PSMB3: variants seen among roughly 807,000 people sequenced by gnomAD.
PSMB3 encodes proteasome subunit beta type-3.
PSMB3 carries 5 observed loss-of-function variants against 23.3 expected under a neutral mutation model. That is an observed-to-expected ratio of 0.21 (90% confidence interval 0.11 to 0.45). The LOEUF is 0.45. Among genes scored for constraint, PSMB3 ranks in the 20% least tolerant of loss-of-function variants. The pLI, the probability that PSMB3 is intolerant of heterozygous loss-of-function variation, is 0.99. For synonymous variants in PSMB3, 85 were observed against 99.8 expected, an observed-to-expected ratio of 0.85 and a Z score of 0.88; for missense variants, 192 against 277.9, an observed-to-expected ratio of 0.69 and a Z score of 2.20.
rs537126332 is a variant in PSMB3 at position 38,761,452 on chromosome 17, C to T, written c.474+844C>T. ...GAAGAGATGAGATAGTGCTTGACGG[C>T]GAGGGTCGGCTGTCGTTATTAAGTG... is the stretch of plus-strand genomic sequence containing the variant. On this transcript the variant is annotated intron_variant, in intron 4 of 5. Transcript: ENST00000619426. Among the ~76,000 whole-genome samples the T allele has an allele frequency of 4.0e-5, 6 of 151,802 alleles. No individual in the cohort carries two copies. In the East Asian group the frequency reaches 5.8e-4, roughly 15 times the overall value.
At chr17:38,755,646 TAA>T (rs66894167) in intron 2 of PSMB3, among the ~76,000 whole-genome samples, 2,446 of 66,310 alleles carry the variant, frequency 0.037, 96 homozygotes, top group African/African-American at 0.12. Context: ...AGACTCCGTC[TAA>T]AAAAAAAAAA....
Position 38,760,561 on chromosome 17 carries a change from G to C in PSMB3, c.427G>C (p.Ala143Pro). ...TGACTTTGTGGTCAGTGGCACCTGCGCCGAACAAATGTACGGAATGTGTGA... is the reference window on the plus strand; with the variant it reads ...TGACTTTGTGGTCAGTGGCACCTGCCCCGAACAAATGTACGGAATGTGTGA... ...TDDFVVSGTC[A>P]EQMYGMCESL... The change falls in exon 4 of 6, where the codon GCC becomes CCC. Residue 143 changes from alanine (A) to proline (P), a missense_variant. By Grantham distance (27) the Ala-to-Pro change is conservative. Transcript: ENST00000619426. 6.2e-7 allele frequency: 1 copy of C among 1,614,234 alleles called. No individual in the cohort carries two copies. The highest frequency in any genetic ancestry group is 8.5e-7 in the Non-Finnish European group (1 of 1,180,048).
chr17:38,753,720 C>A (rs1908040201), intron 2 of PSMB3, among the ~76,000 whole-genome samples: 1 of 152,176 alleles, frequency 6.6e-6, no homozygotes, highest in Admixed American at 6.5e-5. Flanking sequence ...CTCAAGTGAT[C>A]CACCTGCCTC....
At chr17:38,762,317 C>G in intron 4 of PSMB3, 94 bp from the exon 5 acceptor site, 1 of 1,055,608 alleles carries the variant, frequency 9.5e-7, no homozygotes, top group African/African-American at 1.6e-5. Flanking sequence ...GGGGCCAGAG[C>G]TGGGAATCTT....
intron 2 of PSMB3, 23 bp from the exon 3 acceptor site, chr17:38,755,856 TACTA>T (rs3215006): frequency 0.088 from 139,901 of 1,580,812 alleles, 7,013 homozygotes; most frequent in South Asian, 0.18. Flanking sequence ...AATAATGACT[TACTA>T]ACTCACTTTT....
intron 2 of PSMB3, among the ~76,000 whole-genome samples, chr17:38,755,595 AG>A (rs897343451): frequency 1.3e-5 from 2 of 149,912 alleles, no homozygotes; most frequent in Admixed American, 6.7e-5. Flanking sequence ...CAGTGAGCCG[AG>A]ACTGACTGCG....
chr17:38,755,258 A>G (rs1048227730), intron 2 of PSMB3: 5 of 152,128 alleles, frequency 3.3e-5, no homozygotes, highest in African/African-American at 9.7e-5. Context: ...GGTGTGACCC[A>G]CTGCGCCCAG....
At chr17:38,753,431 C>A in intron 2 of PSMB3, 97 bp downstream of exon 2, 2 of 1,275,422 alleles carry the variant, frequency 1.6e-6, no homozygotes, top group Non-Finnish European at 2.2e-6. Context: ...CTACCACACA[C>A]CACCAGTGAG....
At chr17:38,760,752 C>A in intron 4 of PSMB3, 144 bp downstream of exon 4, 1 of 974,262 alleles carries the variant, frequency 1.0e-6, no homozygotes, top group Non-Finnish European at 1.5e-6. Flanking sequence ...GGAAGGGTAT[C>A]CAGAAATTCC....
chr17:38,760,376 A>G, intron 3 of PSMB3, 55 bp from the exon 4 acceptor site: 1 of 1,587,828 alleles, frequency 6.3e-7, no homozygotes, highest in South Asian at 1.1e-5. Flanking sequence ...AGGCTTAAAC[A>G]TGAAAGCGAG....
chr17:38,760,346 G>A (rs764190), intron 3 of PSMB3, 85 bp from the exon 4 acceptor site: 124,560 of 1,487,196 alleles, frequency 0.084, 7,470 homozygotes, highest in East Asian at 0.35. Flanking sequence ...TCTGGGTCTA[G>A]GCCGGGGCCT....
chr17:38,752,867 G>A lies in PSMB3; in HGVS notation c.3+38G>A, dbSNP rs762570732. On this transcript the variant is annotated intron_variant, in intron 1 of 5. Transcript: ENST00000619426. This position sits in a 1 kb window ranked among gnomAD's most constrained non-coding sequence, Gnocchi z 5.5. ...GTTAAAGCAAAGGGGCATGGGGAAGGATTGAGAAGCGGAGGGGGTCAGGAG... is the reference window on the plus strand; with the variant it reads ...GTTAAAGCAAAGGGGCATGGGGAAGAATTGAGAAGCGGAGGGGGTCAGGAG... 6.2e-7 allele frequency: 1 copy of A among 1,613,378 alleles called. No homozygotes were observed. Among genetic ancestry groups the A allele is most frequent in the East Asian group, 2.2e-5 (1 of 44,878 alleles).
At chr17:38,756,085 A>T (rs2306882) in intron 3 of PSMB3, 95 bp downstream of exon 3, 1 of 1,028,780 alleles carries the variant, frequency 9.7e-7, no homozygotes, top group Non-Finnish European at 1.5e-6. Context: ...TTGTTTTTCC[A>T]TCTCTTATTT....
chr17:38,753,844 G>A (rs1244229498), intron 2 of PSMB3, among the ~76,000 whole-genome samples: 1 of 152,192 alleles, frequency 6.6e-6, no homozygotes, highest in Admixed American at 6.5e-5. Flanking sequence ...CTTGCAAGCA[G>A]TTGGGGTTTT....
chr17:38,754,998 G>GC (rs1021652230), intron 2 of PSMB3, among the ~76,000 whole-genome samples: 6 of 139,742 alleles, frequency 4.3e-5, no homozygotes, highest in East Asian at 2.2e-4. Flanking sequence ...AGTTGGTGCT[G>GC]CCCCCTTTTT....
chr17:38,763,495 CCCTT>C (rs1908534967), intron 5 of PSMB3, among the ~76,000 whole-genome samples: 2 of 131,876 alleles, frequency 1.5e-5, no homozygotes, highest in Non-Finnish European at 3.1e-5. Flanking sequence ...AGCTTCTTCC[CCCTT>C]TTTTTTTTTT....
chr17:38,754,037 AG>A (rs1443063467), intron 2 of PSMB3, among the ~76,000 whole-genome samples: 3 of 151,928 alleles, frequency 2.0e-5, no homozygotes, highest in Non-Finnish European at 4.4e-5. Context: ...GAACGGTGAT[AG>A]GTTTTCAGGA....
intron 3 of PSMB3, among the ~76,000 whole-genome samples, chr17:38,758,094 G>T (rs1277943001): frequency 6.6e-6 from 1 of 152,142 alleles, no homozygotes; most frequent in African/African-American, 2.4e-5. Flanking sequence ...TTTTACTGCA[G>T]TGTTTCAGAC....
intron 3 of PSMB3, among the ~76,000 whole-genome samples, chr17:38,759,618 C>T (rs1486642561): frequency 1.3e-5 from 2 of 151,688 alleles, no homozygotes; most frequent in African/African-American, 4.9e-5. Flanking sequence ...GATCTCGGCT[C>T]ACTGCAAGCT....
Sources: gnomAD v4.1 joint callset for allele counts (sites outside exome capture counted in the v4.1 genomes callset) on GRCh38, gnomAD v4.1.1 for gene constraint, Gnocchi (gnomAD v3.1) non-coding constraint, MANE v1.5 for transcripts, NCBI Gene and HGNC (gene_info 2026-07-23, HGNC 2026-07-21) for gene names.